The following SYNE1 variants were observed in gnomAD, a reference collection of about 807,000 sequenced individuals.
SYNE1 encodes the protein nesprin-1.
In SYNE1, 616 loss-of-function variants were observed where a neutral mutation model predicts 1,111.0. That is an observed-to-expected ratio of 0.55 (90% CI 0.52 to 0.59). The LOEUF (loss-of-function observed/expected upper bound fraction) is 0.59. SYNE1 is among the 20% of genes least tolerant of loss of function. The pLI, the probability that SYNE1 is intolerant of heterozygous loss-of-function variation, is 0.00. For missense variants in SYNE1, 10,006 were observed against 10,417.0 expected (o/e 0.96, Z 1.72); for synonymous variants, 3,855 against 3,825.8 (o/e 1.01, Z -0.28).
At chr6:152,604,094 G>T (rs1178781510) in intron 3 of SYNE1, among the ~76,000 whole-genome samples, 1 of 151,178 alleles carries the variant, frequency 6.6e-6, no homozygotes, top group Non-Finnish European at 1.5e-5. Flanking sequence ...ATATAAAAGA[G>T]TGATGAGTTT....
At chr6:152,556,670 T>C (rs1354054500) in intron 3 of SYNE1, among the ~76,000 whole-genome samples, 3 of 152,132 alleles carry the variant, frequency 2.0e-5, no homozygotes, top group African/African-American at 4.8e-5. Context: ...TCAGCCCCTA[T>C]AAGCTAAGAT....
At chr6:152,389,132 A>G (rs1459127858) in intron 53 of SYNE1, among the ~76,000 whole-genome samples, 1 of 152,238 alleles carries the variant, frequency 6.6e-6, no homozygotes, top group Non-Finnish European at 1.5e-5. Context: ...ATTTTTGTTC[A>G]CATTGCCGTG....
Position 152,461,684 on chromosome 6 carries a change from T to G in SYNE1, c.2307A>C (p.Thr769=). ...GGCTTTCTTTGGTAATGAGGTGTGC[T>G]GTCTTTGTAATTATCTTGTATTGGG... ...MDAQYKIITK[T]AHLITKESPQ... The change falls in exon 21 of 146, where the codon ACA becomes ACC. Residue 769 remains threonine, a synonymous_variant. Transcript: ENST00000367255. 6.2e-7 allele frequency: 1 copy of G among 1,614,064 alleles called. No individual in the cohort carries two copies. The highest frequency in any genetic ancestry group is 8.5e-7 in the Non-Finnish European group (1 of 1,179,962).
chr6:152,344,316 T>G, intron 73 of SYNE1, 89 bp from the exon 74 acceptor site: 1 of 1,543,138 alleles, frequency 6.5e-7, no homozygotes, highest in Non-Finnish European at 8.8e-7. Flanking sequence ...GACCAGTACA[T>G]CTAAATGGAT....
At chr6:152,530,915 A>G (rs2496123) in intron 4 of SYNE1, among the ~76,000 whole-genome samples, 52,133 of 151,860 alleles carry the variant, frequency 0.34, 9,853 homozygotes, top group African/African-American at 0.5. Context: ...GAGCCACCAC[A>G]TCCCGCCGTG....
Position 152,122,293 on chromosome 6 carries a change from A to C in SYNE1, c.*143T>G. 7.7e-7 allele frequency: 1 copy of C among 1,295,924 alleles called. No individual in the cohort carries two copies. Among genetic ancestry groups the C allele is most frequent in the South Asian group, 1.2e-5 (1 of 80,592 alleles). The allele number at this position is 1,295,924 out of a possible 1,614,324, so 80.3% of individuals were successfully genotyped here. A position where few individuals can be genotyped will look rare whatever the true frequency, so the allele number is the denominator to read the frequency against. Reference sequence around the variant, plus strand: ...TTCCACCTCTGAAGCCATAATTTGCACACATGTGATCTGGAGGAGGGCTAA... The same window carrying C: ...TTCCACCTCTGAAGCCATAATTTGCCCACATGTGATCTGGAGGAGGGCTAA... On this transcript the variant is annotated 3_prime_UTR_variant, in exon 146 of 146. Coordinates refer to ENST00000367255, the MANE Select transcript of SYNE1 (RefSeq NM_182961.4).
chr6:152,624,224 T>C (rs1038088144), intron 3 of SYNE1, among the ~76,000 whole-genome samples: 8 of 152,160 alleles, frequency 5.3e-5, no homozygotes, highest in African/African-American at 1.9e-4. Context: ...GCATGCACAT[T>C]TTAATGTTTT....
At chr6:152,527,168 A>C (rs1382150845) in intron 4 of SYNE1, among the ~76,000 whole-genome samples, 1 of 152,222 alleles carries the variant, frequency 6.6e-6, no homozygotes, top group Non-Finnish European at 1.5e-5. Context: ...TCTTTAAAAA[A>C]TAATGTGTTC....
chr6:152,187,771 G>A (rs554634886), intron 128 of SYNE1, among the ~76,000 whole-genome samples: 3 of 152,212 alleles, frequency 2.0e-5, no homozygotes, highest in Admixed American at 1.3e-4. Flanking sequence ...TGTTGCCCAG[G>A]CTGGAGTGCA....
chr6:152,496,242 C>T (rs1281055956), intron 11 of SYNE1, among the ~76,000 whole-genome samples: 4 of 151,950 alleles, frequency 2.6e-5, no homozygotes, highest in Non-Finnish European at 4.4e-5. Context: ...GAATAGGCCT[C>T]GACTTACTGC....
chr6:152,533,386 C>T (rs975495708), intron 4 of SYNE1, among the ~76,000 whole-genome samples: 3 of 151,968 alleles, frequency 2.0e-5, no homozygotes, highest in African/African-American at 7.3e-5. Context: ...CAGCTCTCAA[C>T]AATTTTCAGA....
chr6:152,154,757 T>C, intron 133 of SYNE1, 135 bp downstream of exon 133: 1 of 964,558 alleles, frequency 1.0e-6, no homozygotes, highest in Admixed American at 1.8e-5. Context: ...ATAATAAAGA[T>C]GGCTGCAAAG....
chr6:152,126,961 CAG>C (rs1304098726), intron 145 of SYNE1: 5 of 152,204 alleles, frequency 3.3e-5, no homozygotes, highest in African/African-American at 1.2e-4. Context: ...CAGTATGTAA[CAG>C]ATTTATTTTG....
chr6:152,538,410 G>A (rs1051409989), intron 4 of SYNE1, among the ~76,000 whole-genome samples: 6 of 152,012 alleles, frequency 3.9e-5, no homozygotes, highest in Non-Finnish European at 8.8e-5. Context: ...TGACGTGTTG[G>A]GTGAAATAGA....
rs1460118951 is a variant in SYNE1, at chr6:152,256,553, C to A, written c.19104+81G>T. On this transcript the variant is annotated intron_variant, in intron 102 of 145. Coordinates refer to ENST00000367255, the MANE Select transcript of SYNE1 (RefSeq NM_182961.4). ...CATGCTCAGGGGTGGATGCAACAGT[C>A]TCACAGAGGCCAGGCAAATCAATAC... The A allele has an allele frequency of 3.8e-6, 6 of 1,588,920 alleles. No individual in the cohort carries two copies. In the Admixed American group the frequency reaches 1.0e-4, roughly 27 times the overall value.
Position 152,149,528 on chromosome 6 carries a change from C to T in SYNE1, c.24591G>A (p.Gln8197=). 1 of 1,614,202 alleles carries T rather than the reference C, an allele frequency of 6.2e-7. No homozygotes were observed. Among genetic ancestry groups the T allele is most frequent in the Non-Finnish European group, 8.5e-7 (1 of 1,180,032 alleles). Residue 8197 remains glutamine (Q), a synonymous_variant, in exon 136 of 146, where the codon CAG becomes CAA. Coordinates refer to ENST00000367255, the MANE Select transcript of SYNE1 (RefSeq NM_182961.4). ...ATCTTTCCACACGCCCGAAGACCTC[C>T]TGGCAGTACCGTCGGAGCTCATCTA... ...EELDELRRYC[Q]EVFGRVERYH...
At chr6:152,333,526 G>C (rs562549011) in intron 77 of SYNE1, among the ~76,000 whole-genome samples, 1 of 151,882 alleles carries the variant, frequency 6.6e-6, no homozygotes, top group Admixed American at 6.6e-5. Context: ...AATCAATATC[G>C]AGCTAGGAAA....
At position 152,155,895 on chromosome 6, in the gene SYNE1, A is replaced by G. The variant is rs1439396195; in HGVS notation, c.23978+15T>C. 1 of 1,613,650 alleles carries G rather than the reference A, an allele frequency of 6.2e-7. No homozygotes were observed. The highest frequency in any genetic ancestry group is 2.2e-5 in the East Asian group (1 of 44,872). On this transcript the variant is annotated intron_variant, in intron 132 of 145. Coordinates refer to ENST00000367255, the MANE Select transcript of SYNE1 (RefSeq NM_182961.4). ...GTCTTTCCTCTTCCCTATCTGTTTC[A>G]GCATCCCAGCTCACTTCAGCCTCCT...
At chr6:152,506,371 T>G (rs1393150927) in intron 8 of SYNE1, among the ~76,000 whole-genome samples, 1 of 152,106 alleles carries the variant, frequency 6.6e-6, no homozygotes, top group East Asian at 1.9e-4. Flanking sequence ...TCTAGTAGCT[T>G]CTTTTTAAAA....
Sources: gnomAD v4.1 joint callset for allele counts (sites outside exome capture counted in the v4.1 genomes callset) on GRCh38, gnomAD v4.1.1 for gene constraint, MANE v1.5 for transcripts, NCBI Gene and HGNC (gene_info 2026-07-23, HGNC 2026-07-21) for gene names.